LRP1B: variants seen among roughly 807,000 people sequenced by gnomAD.
LRP1B encodes low-density lipoprotein receptor-related protein 1B.
Under a neutral mutation model 556.6 loss-of-function variants are expected in LRP1B, and 217 were observed. The ratio of observed to expected loss-of-function variants is 0.39; its 90% CI spans 0.35 to 0.44. The LOEUF (loss-of-function observed/expected upper bound fraction) is 0.44. Among genes scored for constraint, LRP1B ranks in the 20% least tolerant of loss-of-function variants. LRP1B has a pLI of 1.00. For synonymous variants in LRP1B, 2,047 were observed against 1,865.8 expected, an observed-to-expected ratio of 1.10 and a Z score of -2.50; for missense variants, 5,053 against 5,620.8, an observed-to-expected ratio of 0.90 and a Z score of 3.23.
intron 1 of LRP1B, among the ~76,000 whole-genome samples, chr2:141,941,874 A>C (rs193108248): frequency 6.6e-6 from 1 of 152,348 alleles, no homozygotes; most frequent in Admixed American, 6.5e-5. Flanking sequence ...CTTGCTAATA[A>C]AATGATGAGT....
intron 3 of LRP1B, among the ~76,000 whole-genome samples, chr2:141,425,637 C>T (rs1409457915): frequency 9.5e-5 from 14 of 146,700 alleles, no homozygotes; most frequent in South Asian, 6.6e-4. Context: ...TGGTATCTCA[C>T]TGTGGTTTTG....
At chr2:141,480,781 A>T (rs1682891257) in intron 2 of LRP1B, among the ~76,000 whole-genome samples, 1 of 152,206 alleles carries the variant, frequency 6.6e-6, no homozygotes, top group Non-Finnish European at 1.5e-5. Flanking sequence ...ATTCTTTTCA[A>T]CCATTAAAAT....
intron 1 of LRP1B, among the ~76,000 whole-genome samples, chr2:142,112,316 T>C (rs1384376146): frequency 6.6e-6 from 1 of 151,858 alleles, no homozygotes; most frequent in Admixed American, 6.6e-5. Context: ...TTTCAAAAGG[T>C]CAAACTCATG....
intron 1 of LRP1B, among the ~76,000 whole-genome samples, chr2:141,912,718 C>T (rs969944525): frequency 6.6e-6 from 1 of 152,078 alleles, no homozygotes; most frequent in Non-Finnish European, 1.5e-5. Context: ...AGATGTCCTC[C>T]CTATACTAGA....
chr2:140,805,780 C>T (rs1482517772), intron 32 of LRP1B, among the ~76,000 whole-genome samples: 1 of 152,008 alleles, frequency 6.6e-6, no homozygotes, highest in African/African-American at 2.4e-5. Flanking sequence ...ATTACTTTTG[C>T]ACCAACATAT....
At chr2:140,541,755 C>A in intron 44 of LRP1B, 24 bp downstream of exon 44, 1 of 1,550,438 alleles carries the variant, frequency 6.4e-7, no homozygotes, top group Non-Finnish European at 8.8e-7. Context: ...TGAAAAAACA[C>A]ATTTGCTTTC....
At chr2:141,406,112 A>G (rs577864159) in intron 3 of LRP1B, among the ~76,000 whole-genome samples, 1 of 152,250 alleles carries the variant, frequency 6.6e-6, no homozygotes, top group South Asian at 2.1e-4. Flanking sequence ...AAAACAAACA[A>G]TAAGGGAGAT....
intron 60 of LRP1B, among the ~76,000 whole-genome samples, chr2:140,461,618 T>C (rs1199012116): frequency 1.3e-5 from 2 of 152,088 alleles, no homozygotes; most frequent in African/African-American, 4.8e-5. Context: ...GCTGATCACC[T>C]GAGGTCAGGA....
At chr2:141,451,531 C>T (rs1332089951) in intron 3 of LRP1B, among the ~76,000 whole-genome samples, 1 of 152,122 alleles carries the variant, frequency 6.6e-6, no homozygotes, top group East Asian at 1.9e-4. Context: ...GTGGATAATT[C>T]ATTGAAGAAC....
chr2:141,698,881 G>C (rs1195278336), intron 2 of LRP1B, among the ~76,000 whole-genome samples: 1 of 151,812 alleles, frequency 6.6e-6, no homozygotes, highest in Non-Finnish European at 1.5e-5. Flanking sequence ...TCTGTGGCTG[G>C]GCTCAATATG....
intron 2 of LRP1B, among the ~76,000 whole-genome samples, chr2:141,518,944 C>A (rs1684427244): frequency 1.3e-5 from 2 of 151,926 alleles, no homozygotes; most frequent in African/African-American, 4.8e-5. Context: ...GAGTGAAACT[C>A]CTTCTCAAAA....
intron 20 of LRP1B, among the ~76,000 whole-genome samples, chr2:140,931,877 G>A (rs750741452): frequency 6.6e-6 from 1 of 152,064 alleles, no homozygotes; most frequent in African/African-American, 2.4e-5. Context: ...GAGAAATCAA[G>A]TTTCCCATTC....
intron 37 of LRP1B, among the ~76,000 whole-genome samples, chr2:140,708,609 C>T (rs1265658274): frequency 6.6e-6 from 1 of 151,654 alleles, no homozygotes; most frequent in Non-Finnish European, 1.5e-5. Context: ...CACCCTGCCT[C>T]ATTGCCCATC....
Position 140,350,907 on chromosome 2 carries a change from C to A in LRP1B, c.11782G>T (p.Val3928Leu), listed in dbSNP as rs1385534679. Reference protein sequence around the residue: ...EHNSRITGMDVYYQRDMIIWS... With the variant: ...EHNSRITGMDLYYQRDMIIWS... ...ATAATCATATCTCTTTGATAATATACATCCATCCCTGTTATTCTTGAATTA... is the reference window on the plus strand; with the variant it reads ...ATAATCATATCTCTTTGATAATATAAATCCATCCCTGTTATTCTTGAATTA... Residue 3928 changes from valine to leucine, a missense_variant, in exon 77 of 91, where the codon GTA becomes TTA. By Grantham distance (32) the Val-to-Leu change is conservative. This residue lies in a region of LRP1B where 599 missense variants were observed against 648.4 expected (regional missense o/e 0.92). Transcript: ENST00000389484. 1 of 1,610,854 alleles carries A rather than the reference C, an allele frequency of 6.2e-7. No homozygotes were observed. Among genetic ancestry groups the A allele is most frequent in the South Asian group, 1.1e-5 (1 of 90,978 alleles).
At chr2:141,249,434 T>C (rs1012748861) in intron 4 of LRP1B, among the ~76,000 whole-genome samples, 3 of 151,972 alleles carry the variant, frequency 2.0e-5, no homozygotes, top group African/African-American at 7.2e-5. Context: ...CTTTCTCCAC[T>C]AAAAATACAA....
chr2:140,768,757 T>G (rs1265219147), intron 35 of LRP1B, among the ~76,000 whole-genome samples: 2 of 151,946 alleles, frequency 1.3e-5, no homozygotes, highest in African/African-American at 4.8e-5. Context: ...TAATTTTCAG[T>G]GGTGTAGCAT....
rs1270968518 is a variant in LRP1B, at chr2:140,373,105, C to G, written c.10671G>C (p.Gln3557His). Residue 3557 changes from glutamine to histidine, a missense_variant, in exon 69 of 91, where the codon CAG (glutamine) becomes CAC (histidine). By Grantham distance (24) the Gln-to-His change is conservative. Around this residue, in one of 5 missense-constraint regions of LRP1B, gnomAD observed 599 missense variants for 648.4 expected, o/e 0.92. Coordinates refer to ENST00000389484, the MANE Select transcript of LRP1B (RefSeq NM_018557.3). ...TACACTGACCATTGGAACACCGGAA[C>G]TGATCTTTGGAACAACTTGTCTCAC... is the stretch of plus-strand genomic sequence containing the variant. ...RNCETSCSKDQFRCSNGQCIP... is the reference protein window; with the variant it reads ...RNCETSCSKDHFRCSNGQCIP... The G allele has an allele frequency of 1.2e-6, 2 of 1,613,256 alleles. No individual in the cohort carries two copies. The highest frequency in any genetic ancestry group is 1.7e-6 in the Non-Finnish European group (2 of 1,179,534).
At chr2:142,026,273 T>C (rs1353398303) in intron 1 of LRP1B, among the ~76,000 whole-genome samples, 1 of 152,122 alleles carries the variant, frequency 6.6e-6, no homozygotes, top group Non-Finnish European at 1.5e-5. Flanking sequence ...ATGAGTCTTA[T>C]GCCTGTGCTT....
intron 35 of LRP1B, among the ~76,000 whole-genome samples, chr2:140,744,075 T>C (rs1336444502): frequency 6.8e-6 from 1 of 148,142 alleles, no homozygotes; most frequent in Non-Finnish European, 1.5e-5. Flanking sequence ...TCAAAGGGTA[T>C]AAACCCGCGG....
Sources: gnomAD v4.1 joint callset for allele counts (sites outside exome capture counted in the v4.1 genomes callset) on GRCh38, gnomAD v4.1.1 for gene constraint, gnomAD v4.1.1 regional missense constraint, MANE v1.5 for transcripts, NCBI Gene and HGNC (gene_info 2026-07-23, HGNC 2026-07-21) for gene names.